The following RNF217 variants were observed in gnomAD, a reference collection of about 807,000 sequenced individuals.
RNF217 encodes the protein ring finger protein 217, also known as E3 ubiquitin-protein ligase RNF217.
RNF217 carries 31 observed loss-of-function variants against 57.8 expected under a neutral mutation model. The ratio of observed to expected loss-of-function variants is 0.54; its 90% CI spans 0.40 to 0.72. The LOEUF is 0.72. Ranked by LOEUF, RNF217 falls within the 30% of genes least tolerant of loss-of-function variation. The pLI, the probability that RNF217 is intolerant of heterozygous loss-of-function variation, is 0.00. For missense variants in RNF217, 696 were observed against 708.3 expected (o/e 0.98, Z 0.20); for synonymous variants, 313 against 294.0 (o/e 1.06, Z -0.66).
At chr6:125,078,030 A>G (rs535282081) in intron 4 of RNF217, among the ~76,000 whole-genome samples, 1 of 152,332 alleles carries the variant, frequency 6.6e-6, no homozygotes, top group Non-Finnish European at 1.5e-5. Context: ...TGTGATCTCT[A>G]TAAAAATATT....
intron 1 of RNF217, among the ~76,000 whole-genome samples, chr6:125,021,096 C>T (rs1163235799): frequency 6.6e-6 from 1 of 152,060 alleles, no homozygotes; most frequent in Admixed American, 6.5e-5. Flanking sequence ...GGAATCTACC[C>T]TAAGGAAACA....
At chr6:125,061,543 G>T (rs1181228270) in intron 3 of RNF217, among the ~76,000 whole-genome samples, 1 of 151,378 alleles carries the variant, frequency 6.6e-6, no homozygotes, top group Non-Finnish European at 1.5e-5. Flanking sequence ...TCTTTATTTA[G>T]ATATTTAAAC....
intron 4 of RNF217, among the ~76,000 whole-genome samples, chr6:125,080,502 C>T (rs993583975): frequency 1.3e-5 from 2 of 152,034 alleles, no homozygotes; most frequent in Non-Finnish European, 2.9e-5. Flanking sequence ...ATTGCTGTTT[C>T]ATCCTTAAAT....
chr6:124,965,079 A>G (rs1404316397), intron 1 of RNF217, among the ~76,000 whole-genome samples: 2 of 152,112 alleles, frequency 1.3e-5, no homozygotes, highest in Non-Finnish European at 2.9e-5. Flanking sequence ...ATTAAACCTC[A>G]TAAGTTAGTT....
chr6:125,080,874 T>C (rs571807595), intron 4 of RNF217, among the ~76,000 whole-genome samples: 4 of 152,282 alleles, frequency 2.6e-5, no homozygotes, highest in South Asian at 4.1e-4. Flanking sequence ...AGGTATTTAT[T>C]CATAGTTTTC....
At chr6:125,066,635 C>A (rs953217929) in intron 3 of RNF217, among the ~76,000 whole-genome samples, 1 of 152,146 alleles carries the variant, frequency 6.6e-6, no homozygotes, top group Non-Finnish European at 1.5e-5. Context: ...TCCCCTACCT[C>A]AGTAGGTACT....
At chr6:125,056,362 T>C (rs1456045169) in intron 2 of RNF217, among the ~76,000 whole-genome samples, 3 of 152,178 alleles carry the variant, frequency 2.0e-5, no homozygotes, top group Admixed American at 6.6e-5. Context: ...AAATAAATAA[T>C]GCATGTAATA....
Position 124,963,352 on chromosome 6 carries a change from A to G in RNF217, c.808A>G (p.Lys270Glu). Residue 270 changes from lysine (K) to glutamate (E), a missense_variant, in exon 1 of 6, where the codon AAG becomes GAG. Transcript: ENST00000521654. ...GATGTGCCGGGTGTGCCTGGAAGAC[A>G]AGCCCATCAAGCCCCTGCCTTGCTG... Reference protein sequence around the residue: ...VLMCRVCLEDKPIKPLPCCKK... With the variant: ...VLMCRVCLEDEPIKPLPCCKK... 6.5e-7 allele frequency: 1 copy of G among 1,529,852 alleles called. No homozygotes were observed. The highest frequency in any genetic ancestry group is 1.4e-5 in the African/African-American group (1 of 73,078). 94.8% of individuals were successfully genotyped at this position (1,529,852 alleles called of 1,614,324 possible).
At chr6:125,069,371 A>G (rs1045054349) in intron 3 of RNF217, among the ~76,000 whole-genome samples, 9 of 152,268 alleles carry the variant, frequency 5.9e-5, no homozygotes, top group Admixed American at 3.9e-4. Flanking sequence ...TCTAAATAGT[A>G]GTCTTTTACA....
At chr6:125,050,095 G>T (rs1191768252) in intron 2 of RNF217, among the ~76,000 whole-genome samples, 1 of 151,854 alleles carries the variant, frequency 6.6e-6, no homozygotes, top group East Asian at 1.9e-4. Flanking sequence ...GGAGAGATGT[G>T]TAAAGGATTA....
intron 1 of RNF217, among the ~76,000 whole-genome samples, chr6:125,030,711 T>A (rs1786315422): frequency 6.6e-6 from 1 of 152,144 alleles, no homozygotes; most frequent in African/African-American, 2.4e-5. Flanking sequence ...ACAGTCTCCC[T>A]CCTGGCTGTT....
At position 125,076,871 on chromosome 6, in the gene RNF217, CATACTT is replaced by C. The variant is rs1788394807; in HGVS notation, c.1483+16_1483+21del. 6.2e-7 allele frequency: 1 copy of C among 1,605,372 alleles called. No homozygotes were observed. The highest frequency in any genetic ancestry group is 8.5e-7 in the Non-Finnish European group (1 of 1,172,370). ...GGGTCAGTCTGTGGTGAGTGTCTGA[CATACTT>C]ATGGGTGTCTTCCCTGGGAATTAAG... On this transcript the variant is annotated intron_variant, in intron 4 of 5. Coordinates refer to ENST00000521654, the MANE Select transcript of RNF217 (RefSeq NM_001286398.3).
At chr6:125,057,907 C>T (rs1424667649) in intron 2 of RNF217, 35 bp from the exon 3 acceptor site, 1 of 1,552,912 alleles carries the variant, frequency 6.4e-7, no homozygotes, top group Admixed American at 1.8e-5. Context: ...TTCAGTATAT[C>T]CACTAGTAAT....
chr6:125,050,997 G>A (rs1430621983), intron 2 of RNF217, among the ~76,000 whole-genome samples: 1 of 151,844 alleles, frequency 6.6e-6, no homozygotes, highest in Non-Finnish European at 1.5e-5. Flanking sequence ...ATAACACTCA[G>A]CTATGATGCA....
chr6:125,041,719 A>T (rs749803571), intron 1 of RNF217, among the ~76,000 whole-genome samples: 3 of 152,076 alleles, frequency 2.0e-5, no homozygotes, highest in Non-Finnish European at 4.4e-5. Flanking sequence ...TAGTTCATTC[A>T]TAACACAGGT....
rs1048502952 is a variant in RNF217, at chr6:125,091,074, G to A, written c.*8137G>A. ...AACCTAATTTCTTACACTTTTTAGAGCAATCAACTTATTTCCAAATTATTA... is the reference window on the plus strand; with the variant it reads ...AACCTAATTTCTTACACTTTTTAGAACAATCAACTTATTTCCAAATTATTA... On this transcript the variant is annotated 3_prime_UTR_variant, in exon 6 of 6. Coordinates refer to ENST00000521654, the MANE Select transcript of RNF217 (RefSeq NM_001286398.3). 4 of 151,996 alleles carry A rather than the reference G, an allele frequency of 2.6e-5. No homozygotes were observed. The highest frequency in any genetic ancestry group is 9.7e-5 in the African/African-American group (4 of 41,404). The allele number at this position is 151,996 out of a possible 1,614,324, so 9.4% of individuals were successfully genotyped here. A position where few individuals can be genotyped will look rare whatever the true frequency, so the allele number is the denominator to read the frequency against.
chr6:125,008,031 T>C (rs1316860944), intron 1 of RNF217, among the ~76,000 whole-genome samples: 2 of 151,774 alleles, frequency 1.3e-5, no homozygotes, highest in African/African-American at 4.8e-5. Flanking sequence ...CCGAGGCGGG[T>C]GGATCACGAG....
chr6:124,999,611 A>G (rs1444206904), intron 1 of RNF217, among the ~76,000 whole-genome samples: 1 of 152,178 alleles, frequency 6.6e-6, no homozygotes, highest in Non-Finnish European at 1.5e-5. Flanking sequence ...TATCTGTGCC[A>G]CATTTGCTTA....
chr6:125,034,236 T>C (rs1464352232), intron 1 of RNF217, among the ~76,000 whole-genome samples: 1 of 152,238 alleles, frequency 6.6e-6, no homozygotes, highest in Non-Finnish European at 1.5e-5. Flanking sequence ...TTTGTTGCCA[T>C]TGCTTTTGGT....
Sources: gnomAD v4.1 joint callset for allele counts (sites outside exome capture counted in the v4.1 genomes callset) on GRCh38, gnomAD v4.1.1 for gene constraint, MANE v1.5 for transcripts, NCBI Gene and HGNC (gene_info 2026-07-23, HGNC 2026-07-21) for gene names.